Variants in BBS9 observed in about 807,000 individuals in gnomAD.
BBS9 encodes protein PTHB1.
A neutral mutation model predicts 117.7 loss-of-function variants in BBS9; 89 were observed. The ratio of observed to expected loss-of-function variants is 0.76; its 90% confidence interval spans 0.64 to 0.90. The LOEUF (loss-of-function observed/expected upper bound fraction) is 0.90. Among genes scored for constraint, BBS9 ranks in the 40% least tolerant of loss-of-function variants. The pLI is 0.00. For synonymous variants in BBS9, 379 were observed against 370.9 expected (o/e 1.02, Z -0.25); for missense variants, 982 against 1,042.2 (o/e 0.94, Z 0.80).
At chr7:33,279,235 C>T (rs1412498826) in intron 9 of BBS9, among the ~76,000 whole-genome samples, 2 of 152,110 alleles carry the variant, frequency 1.3e-5, no homozygotes, top group African/African-American at 4.8e-5. Flanking sequence ...GCCACCATTC[C>T]TGGCTAATTT....
intron 19 of BBS9, among the ~76,000 whole-genome samples, chr7:33,417,383 T>C (rs1172175719): frequency 2.6e-5 from 4 of 152,234 alleles, no homozygotes; most frequent in African/African-American, 9.6e-5. Flanking sequence ...TTAAGTTGGA[T>C]ACTTCCTCTT....
intron 19 of BBS9, among the ~76,000 whole-genome samples, chr7:33,486,045 G>A (rs752957446): frequency 3.3e-5 from 5 of 152,146 alleles, no homozygotes; most frequent in Non-Finnish European, 5.9e-5. Context: ...GGCGGTGTGG[G>A]AGTAGGGGGA....
intron 16 of BBS9, among the ~76,000 whole-genome samples, chr7:33,364,553 G>A (rs1821279461): frequency 6.6e-6 from 1 of 150,744 alleles, no homozygotes. Flanking sequence ...ATCTGACTTT[G>A]AGTTCACAGA....
chr7:33,518,092 T>C (rs2129037178), intron 20 of BBS9, among the ~76,000 whole-genome samples: 1 of 152,290 alleles, frequency 6.6e-6, no homozygotes, highest in African/African-American at 2.4e-5. Context: ...TAGATCTTTC[T>C]GTCATGAATA....
intron 9 of BBS9, among the ~76,000 whole-genome samples, chr7:33,283,544 AC>A (rs1802310223): frequency 6.6e-6 from 1 of 151,674 alleles, no homozygotes; most frequent in African/African-American, 2.4e-5. Flanking sequence ...GTGGCTTTCA[AC>A]CCCGTATCTT....
chr7:33,276,481 C>T (rs1188004417), intron 9 of BBS9, among the ~76,000 whole-genome samples: 1 of 152,142 alleles, frequency 6.6e-6, no homozygotes, highest in African/African-American at 2.4e-5. Context: ...GCTCTTAGCT[C>T]ATGCTGCGGT....
At chr7:33,203,246 A>G (rs1015754177) in intron 5 of BBS9, among the ~76,000 whole-genome samples, 1 of 152,234 alleles carries the variant, frequency 6.6e-6, no homozygotes, top group East Asian at 1.9e-4. Flanking sequence ...ACAAAACTCT[A>G]CAATAGTGGT....
chr7:33,417,627 T>C (rs1832219141), intron 19 of BBS9, among the ~76,000 whole-genome samples: 1 of 152,210 alleles, frequency 6.6e-6, no homozygotes, highest in Non-Finnish European at 1.5e-5. Flanking sequence ...CATAACTGTT[T>C]AGTGGAGTCT....
At chr7:33,323,825 C>A in intron 9 of BBS9, among the ~76,000 whole-genome samples, 1 of 145,516 alleles carries the variant, frequency 6.9e-6, no homozygotes, top group Non-Finnish European at 1.5e-5. Flanking sequence ...TTCTTCATTC[C>A]TGTCTTCCTT....
In BBS9 at chr7:33,388,229, T is replaced by C. The variant is rs79833604; in HGVS notation, c.2115+85T>C. ...GAGTCATGTACCAGAATATCCAAGA[T>C]AAGGTACTCATTTCCAGTGCTTTAA... is the stretch of plus-strand genomic sequence containing the variant. On this transcript the variant is annotated intron_variant, in intron 19 of 22. Coordinates refer to ENST00000242067, the MANE Select transcript of BBS9 (RefSeq NM_198428.3). The C allele has an allele frequency of 2.3e-5, 34 of 1,477,946 alleles. No individual in the cohort carries two copies. In the East Asian group the frequency reaches 7.0e-4, roughly 31 times the overall value. The allele number at this position is 1,477,946 out of a possible 1,614,324, so 91.6% of individuals were successfully genotyped here. A position where few individuals can be genotyped will look rare whatever the true frequency, so the allele number is the denominator to read the frequency against.
chr7:33,467,294 C>A (rs4236337), intron 19 of BBS9, among the ~76,000 whole-genome samples: 114,019 of 151,916 alleles, frequency 0.75, 43,230 homozygotes, highest in African/African-American at 0.85. Flanking sequence ...GTTTACTAGA[C>A]CCAGAATGAC....
intron 4 of BBS9, among the ~76,000 whole-genome samples, chr7:33,177,258 A>G (rs918281836): frequency 6.6e-6 from 1 of 152,136 alleles, no homozygotes; most frequent in African/African-American, 2.4e-5. Flanking sequence ...CCCCAGGGTA[A>G]TATTTTGTCT....
intron 5 of BBS9, among the ~76,000 whole-genome samples, chr7:33,231,428 C>CTTTGTTTTTTTTTTTTTTTTTTTTTT (rs1792370472): frequency 9.4e-6 from 1 of 106,386 alleles, no homozygotes; most frequent in African/African-American, 3.6e-5. Flanking sequence ...GCCTATGTGT[C>CTTTGTTTTTTTTTTTTTTTTTTTTTT]TTTTTTTTTT....
At chr7:33,260,670 G>A (rs1183601623) in intron 6 of BBS9, among the ~76,000 whole-genome samples, 2 of 152,184 alleles carry the variant, frequency 1.3e-5, no homozygotes, top group Non-Finnish European at 2.9e-5. Context: ...TCAAATAGAC[G>A]TGCCTCTTAT....
intron 19 of BBS9, among the ~76,000 whole-genome samples, chr7:33,414,711 A>G (rs1831692641): frequency 6.6e-6 from 1 of 152,180 alleles, no homozygotes; most frequent in Non-Finnish European, 1.5e-5. Context: ...GATTGTTTTG[A>G]CCACTTTATT....
intron 5 of BBS9, among the ~76,000 whole-genome samples, chr7:33,197,584 C>T (rs1263733359): frequency 6.6e-6 from 1 of 151,866 alleles, no homozygotes; most frequent in Non-Finnish European, 1.5e-5. Flanking sequence ...GTGTTGACTA[C>T]TAGCATGTCA....
chr7:33,215,620 TAGACACACAC>T (rs1054194851), intron 5 of BBS9, among the ~76,000 whole-genome samples: 7 of 151,912 alleles, frequency 4.6e-5, no homozygotes, highest in African/African-American at 1.5e-4. Context: ...CACACACACA[TAGACACACAC>T]AGACACACAG....
At chr7:33,271,734 A>G (rs1242531850) in intron 7 of BBS9, among the ~76,000 whole-genome samples, 2 of 152,144 alleles carry the variant, frequency 1.3e-5, no homozygotes, top group South Asian at 4.1e-4. Flanking sequence ...CTACTAAGAG[A>G]TTTAGACTGC....
At chr7:33,176,673 G>T (rs1443247642) in intron 4 of BBS9, among the ~76,000 whole-genome samples, 1 of 152,060 alleles carries the variant, frequency 6.6e-6, no homozygotes, top group African/African-American at 2.4e-5. Flanking sequence ...GTACTACCCA[G>T]TTTGAGGACT....
Sources: gnomAD v4.1 joint callset for allele counts (sites outside exome capture counted in the v4.1 genomes callset) on GRCh38, gnomAD v4.1.1 for gene constraint, MANE v1.5 for transcripts, NCBI Gene and HGNC (gene_info 2026-07-23, HGNC 2026-07-21) for gene names.